Variants in LMO1 observed in about 807,000 individuals in gnomAD.
LMO1 encodes the protein LIM domain only 1, also known as rhombotin-1.
A neutral mutation model predicts 18.0 loss-of-function variants in LMO1; 10 were observed. The ratio of observed to expected loss-of-function variants is 0.55; its 90% CI spans 0.34 to 0.94. The LOEUF (loss-of-function observed/expected upper bound fraction) is 0.94, where lower values mean the gene tolerates loss of function less well. LMO1 is among the 40% of genes least tolerant of loss of function. The probability of loss-of-function intolerance (pLI) is 0.02; values close to 1 mark genes in which losing one functional copy is unlikely to be tolerated. For missense variants in LMO1, 183 were observed against 205.7 expected, an observed-to-expected ratio of 0.89 and a Z score of 0.68; for synonymous variants, 77 against 77.9, an observed-to-expected ratio of 0.99 and a Z score of 0.06.
chr11:8,250,983 G>A (rs1038572281), intron 1 of LMO1, among the ~76,000 whole-genome samples: 4 of 152,130 alleles, frequency 2.6e-5, no homozygotes, highest in African/African-American at 9.7e-5. Context: ...CCTTCCACCT[G>A]GATTCGAGTG....
chr11:8,244,145 A>G lies in LMO1; in HGVS notation c.26-13641T>C, dbSNP rs369518489. On this transcript the variant is annotated intron_variant, in intron 1 of 3. Transcript: ENST00000335790. ...TCGGGCCTGCAGGGGCTTCACAGGGAGCCCTTTCTGGAATAAGGAGCACCG... is the reference window on the plus strand; with the variant it reads ...TCGGGCCTGCAGGGGCTTCACAGGGGGCCCTTTCTGGAATAAGGAGCACCG... 2.6e-4 allele frequency among the ~76,000 whole-genome samples: 39 copies of G among 152,244 alleles called. No individual in the cohort carries two copies. The East Asian group carries it at 7.3e-3, about 29-fold the overall frequency.
chr11:8,232,497 A>C (rs1952683528), intron 1 of LMO1, among the ~76,000 whole-genome samples: 1 of 152,188 alleles, frequency 6.6e-6, no homozygotes, highest in African/African-American at 2.4e-5. Flanking sequence ...GGGGCCTCCC[A>C]GAGTGGGACC....
intron 2 of LMO1, among the ~76,000 whole-genome samples, chr11:8,229,349 C>A (rs973169054): frequency 6.6e-6 from 1 of 152,204 alleles, no homozygotes; most frequent in Non-Finnish European, 1.5e-5. Context: ...ATTGAGGGAG[C>A]TTCCACTGAT....
intron 1 of LMO1, among the ~76,000 whole-genome samples, chr11:8,261,269 G>A (rs886369212): frequency 1.3e-5 from 2 of 152,150 alleles, no homozygotes; most frequent in Admixed American, 6.5e-5. Flanking sequence ...AGGGGCATCT[G>A]GAGCTCTCTT....
intron 1 of LMO1, among the ~76,000 whole-genome samples, chr11:8,254,290 A>C (rs1039243384): frequency 1.3e-5 from 2 of 152,184 alleles, no homozygotes; most frequent in Non-Finnish European, 2.9e-5. Flanking sequence ...AGCAATTCTT[A>C]TTATTTCAAA....
At chr11:8,230,242 G>C (rs748491883) in intron 2 of LMO1, 49 bp downstream of exon 2, 1 of 1,557,602 alleles carries the variant, frequency 6.4e-7, no homozygotes, top group African/African-American at 1.4e-5. Flanking sequence ...AGGATGGGGA[G>C]CTTTCTGAGC....
At chr11:8,266,658 GC>G (rs560863810), upstream of LMO1, among the ~76,000 whole-genome samples, 3 of 152,348 alleles carry the variant, frequency 2.0e-5, no homozygotes, top group African/African-American at 7.2e-5. Context: ...CCAGCAATTT[GC>G]CCCTCCACCT....
At chr11:8,231,305 G>C (rs1441257286) in intron 1 of LMO1, among the ~76,000 whole-genome samples, 1 of 152,222 alleles carries the variant, frequency 6.6e-6, no homozygotes, top group Non-Finnish European at 1.5e-5. Flanking sequence ...GGCCCAATGT[G>C]ATGTTCACCA....
intron 3 of LMO1, among the ~76,000 whole-genome samples, chr11:8,225,971 C>T (rs1179271473): frequency 6.6e-6 from 1 of 152,232 alleles, no homozygotes; most frequent in Non-Finnish European, 1.5e-5. Flanking sequence ...TCCCCAGGGA[C>T]TCCCACAGGG....
chr11:8,240,926 G>A (rs183583686), intron 1 of LMO1, among the ~76,000 whole-genome samples: 1 of 152,116 alleles, frequency 6.6e-6, no homozygotes, highest in Non-Finnish European at 1.5e-5. Context: ...GTTCTTTAGT[G>A]GGGGGAATTT....
intron 1 of LMO1, among the ~76,000 whole-genome samples, chr11:8,258,582 T>C (rs564857101): frequency 1.3e-5 from 2 of 152,226 alleles, no homozygotes; most frequent in Middle Eastern, 6.8e-3. Context: ...GAGACCAAAA[T>C]AGACCTCCTC....
At chr11:8,254,886 G>A (rs1847063706) in intron 1 of LMO1, among the ~76,000 whole-genome samples, 1 of 152,202 alleles carries the variant, frequency 6.6e-6, no homozygotes, top group Non-Finnish European at 1.5e-5. Context: ...GTGGGAGCTG[G>A]AACCAATTAC....
intron 1 of LMO1, among the ~76,000 whole-genome samples, chr11:8,246,586 A>G (rs538561930): frequency 1.1e-4 from 17 of 152,344 alleles, no homozygotes; most frequent in Middle Eastern, 3.4e-3. Context: ...GGTGATAAAA[A>G]TGTTTTTCAA....
At position 8,263,595 on chromosome 11, in the gene LMO1, G is replaced by C; in HGVS notation, c.-233C>G. ...GTGCCTCAGAATTGGAAGGAACTAC[G>C]AACTGCAATTTAGAGAGAGAGGGAG... On this transcript the variant is annotated 5_prime_UTR_variant, in exon 1 of 4. Transcript: ENST00000335790. The C allele has an allele frequency of 7.3e-7, 1 of 1,370,446 alleles. No homozygotes were observed. Among genetic ancestry groups the C allele is most frequent in the Admixed American group, 3.4e-5 (1 of 29,072 alleles). The allele number at this position is 1,370,446 out of a possible 1,614,324, so 84.9% of individuals were successfully genotyped here.
chr11:8,261,545 C>A (rs573945416), intron 1 of LMO1, among the ~76,000 whole-genome samples: 1 of 152,356 alleles, frequency 6.6e-6, no homozygotes, highest in East Asian at 1.9e-4. Flanking sequence ...GAGCCCGAGT[C>A]TTCTGGATTC....
chr11:8,229,137 C>T (rs1952604046), intron 2 of LMO1, among the ~76,000 whole-genome samples: 1 of 152,064 alleles, frequency 6.6e-6, no homozygotes, highest in South Asian at 2.1e-4. Flanking sequence ...ACGTGCCTGC[C>T]TCGGCCTCCC....
intron 1 of LMO1, among the ~76,000 whole-genome samples, chr11:8,258,736 C>T (rs1191757350): frequency 6.6e-6 from 1 of 152,148 alleles, no homozygotes; most frequent in Non-Finnish European, 1.5e-5. Context: ...GAAGCGGGTC[C>T]CAGCTCTAGG....
chr11:8,257,962 A>G (rs1346611542), intron 1 of LMO1, among the ~76,000 whole-genome samples: 1 of 152,246 alleles, frequency 6.6e-6, no homozygotes, highest in Non-Finnish European at 1.5e-5. Flanking sequence ...GTGTACATGG[A>G]CAGTACCTCA....
chr11:8,263,267 G>T lies in LMO1; in HGVS notation c.25+71C>A, dbSNP rs1847219335. The T allele has an allele frequency of 2.0e-6, 3 of 1,501,356 alleles. No homozygotes were observed. In the South Asian group the frequency reaches 3.5e-5, roughly 17 times the overall value. The allele number at this position is 1,501,356 out of a possible 1,614,324, so 93.0% of individuals were successfully genotyped here. A position where few individuals can be genotyped will look rare whatever the true frequency, so the allele number is the denominator to read the frequency against. On this transcript the variant is annotated intron_variant, in intron 1 of 3. Transcript: ENST00000335790. ...AGCAGGTGTGCGCCCGTGTCCCCGC[G>T]TGTGTGTGCCTGCGCGCCGCGGCAG...
Sources: gnomAD v4.1 joint callset for allele counts (sites outside exome capture counted in the v4.1 genomes callset) on GRCh38, gnomAD v4.1.1 for gene constraint, MANE v1.5 for transcripts, NCBI Gene and HGNC (gene_info 2026-07-23, HGNC 2026-07-21) for gene names.